GRIK4: variants seen among roughly 807,000 people sequenced by gnomAD.
GRIK4 encodes the protein glutamate ionotropic receptor kainate type subunit 4, also known as glutamate receptor ionotropic, kainate 4.
GRIK4 carries 40 observed loss-of-function variants against 104.9 expected under a neutral mutation model. The ratio of observed to expected loss-of-function variants is 0.38; its 90% CI spans 0.30 to 0.50. GRIK4 has a LOEUF of 0.50. GRIK4 is among the 20% of genes least tolerant of loss of function. GRIK4 has a pLI of 0.93. For missense variants in GRIK4, 1,047 were observed against 1,308.1 expected, an observed-to-expected ratio of 0.80 and a Z score of 3.08; for synonymous variants, 485 against 524.9, an observed-to-expected ratio of 0.92 and a Z score of 1.04.
intron 1 of GRIK4, among the ~76,000 whole-genome samples, chr11:120,639,154 A>G (rs942978694): frequency 6.6e-6 from 1 of 152,126 alleles, no homozygotes; most frequent in African/African-American, 2.4e-5. Context: ...AGATCACGCC[A>G]TTGCACTCCA....
intron 11 of GRIK4, among the ~76,000 whole-genome samples, chr11:120,877,763 A>G (rs1342733634): frequency 6.6e-6 from 1 of 152,192 alleles, no homozygotes; most frequent in Non-Finnish European, 1.5e-5. Context: ...GGAGATGATT[A>G]CAGCGGAGGA....
chr11:120,855,589 G>T (rs1954084312), intron 8 of GRIK4, among the ~76,000 whole-genome samples: 2 of 147,450 alleles, frequency 1.4e-5, no homozygotes, highest in Admixed American at 1.4e-4. Flanking sequence ...TCGAGACAGA[G>T]TCTCTGTTGC....
intron 4 of GRIK4, among the ~76,000 whole-genome samples, chr11:120,806,560 G>T (rs1050016861): frequency 6.6e-6 from 1 of 152,200 alleles, no homozygotes; most frequent in Non-Finnish European, 1.5e-5. Flanking sequence ...GCTTCAGGGG[G>T]ATGAAAGAGA....
chr11:120,723,258 G>A (rs1444642287), intron 3 of GRIK4, among the ~76,000 whole-genome samples: 3 of 152,274 alleles, frequency 2.0e-5, no homozygotes, highest in South Asian at 2.1e-4. Context: ...TAATATAAGT[G>A]TGTGTTCTTC....
chr11:120,857,540 A>G (rs77585593), intron 8 of GRIK4, among the ~76,000 whole-genome samples: 2 of 151,590 alleles, frequency 1.3e-5, no homozygotes, highest in Non-Finnish European at 2.9e-5. Flanking sequence ...ACTTTTAAAA[A>G]TGTTTTTCAT....
rs1002751418 is a variant in GRIK4 at position 120,873,933 on chromosome 11, G to A, written c.907-133G>A. 7.0e-5 allele frequency: 55 copies of A among 780,278 alleles called. No homozygotes were observed. In the African/African-American group the frequency reaches 8.8e-4, roughly 13 times the overall value. 48.3% of individuals were successfully genotyped at this position (780,278 alleles called of 1,614,324 possible). ...AGACAGGACGTGGGCCAAGGGTGAT[G>A]AAGATGCACTCTTATTTCCCTTTCT... is the stretch of plus-strand genomic sequence containing the variant. On this transcript the variant is annotated intron_variant, in intron 9 of 20. Transcript: ENST00000527524.
chr11:120,706,361 G>T (rs1950628793), intron 3 of GRIK4, among the ~76,000 whole-genome samples: 1 of 152,226 alleles, frequency 6.6e-6, no homozygotes, highest in Admixed American at 6.5e-5. Context: ...CAGCCTGAGT[G>T]CTGTGTGGCC....
rs969193734 is a variant in GRIK4, at chr11:120,986,349, G to C, written c.*89G>C. ...TGCTGTCAGCCGCCAGCCGGAACTTGTACAGCGTCGACACCTCTCCAGATT... is the reference window on the plus strand; with the variant it reads ...TGCTGTCAGCCGCCAGCCGGAACTTCTACAGCGTCGACACCTCTCCAGATT... On this transcript the variant is annotated 3_prime_UTR_variant, in exon 21 of 21. Transcript: ENST00000527524. 21 of 1,376,568 alleles carry C rather than the reference G, an allele frequency of 1.5e-5. No individual in the cohort carries two copies. Among genetic ancestry groups the C allele is most frequent in the Admixed American group, 3.2e-5 (1 of 31,650 alleles). 85.3% of individuals were successfully genotyped at this position (1,376,568 alleles called of 1,614,324 possible). A position where few individuals can be genotyped will look rare whatever the true frequency, so the allele number is the denominator to read the frequency against.
chr11:120,936,946 G>A lies in GRIK4; in HGVS notation c.1477-3401G>A, dbSNP rs373962743. Among the ~76,000 whole-genome samples, 60 of 152,012 alleles carry A rather than the reference G, an allele frequency of 3.9e-4. 1 individual carries two copies. The East Asian group carries it at 4.6e-3, about 12-fold the overall frequency. On this transcript the variant is annotated intron_variant, in intron 13 of 20. Transcript: ENST00000527524. ...CAGCCTCCCACACCAGTGATTCCTG[G>A]GTGGAATCACAGTCCCAGCCCCCTA...
At position 120,905,286 on chromosome 11, in the gene GRIK4, G is replaced by T; in HGVS notation, c.1273-4G>T. 3 of 1,606,364 alleles carry T rather than the reference G, an allele frequency of 1.9e-6. No homozygotes were observed. The highest frequency in any genetic ancestry group is 1.3e-5 in the African/African-American group (1 of 74,824). On this transcript the variant is annotated splice_region_variant and splice_polypyrimidine_tract_variant and intron_variant, in intron 12 of 20. Transcript: ENST00000527524. The surrounding 1 kb of genome is among the most constrained non-coding windows in gnomAD (Gnocchi z 5.1). The stretch of plus-strand genomic sequence containing the variant: ...AGAATGACAGCTGCCCAGTTTTGCT[G>T]CAGGAGAACCCATATTTAATGCTGA...
chr11:120,586,624 T>C (rs1591715915), intron 1 of GRIK4, among the ~76,000 whole-genome samples: 1 of 152,118 alleles, frequency 6.6e-6, no homozygotes, highest in East Asian at 1.9e-4. Context: ...GTGTGTGGAC[T>C]CAGCGGTGCT....
chr11:120,798,364 A>G (rs1270377487), intron 3 of GRIK4, among the ~76,000 whole-genome samples: 1 of 151,806 alleles, frequency 6.6e-6, no homozygotes, highest in Non-Finnish European at 1.5e-5. Flanking sequence ...TCACCACCTT[A>G]GCCAGGATGG....
intron 3 of GRIK4, among the ~76,000 whole-genome samples, chr11:120,776,824 C>T (rs1215758167): frequency 1.3e-5 from 2 of 152,164 alleles, no homozygotes; most frequent in Admixed American, 1.3e-4. Flanking sequence ...TGGGTCTCTC[C>T]ATAGGCCTCT....
At chr11:120,546,945 C>T (rs1423260388) in intron 1 of GRIK4, among the ~76,000 whole-genome samples, 1 of 152,218 alleles carries the variant, frequency 6.6e-6, no homozygotes, top group Non-Finnish European at 1.5e-5. Context: ...CTGAGCGCAG[C>T]TTAAGAACAG....
At position 120,956,295 on chromosome 11, in the gene GRIK4, G is replaced by A. The variant is rs904909225; in HGVS notation, c.1701-485G>A. Among the ~76,000 whole-genome samples, 24 of 151,522 alleles carry A rather than the reference G, an allele frequency of 1.6e-4. No individual in the cohort carries two copies. The highest frequency in any genetic ancestry group is 4.6e-4 in the African/African-American group (19 of 41,196). On this transcript the variant is annotated intron_variant, in intron 15 of 20. Transcript: ENST00000527524. This position sits in a 1 kb window ranked among gnomAD's most constrained non-coding sequence, Gnocchi z 4.6. Reference sequence around the variant, plus strand: ...TGGCTCACTGCAGCCTTTACCTCCCGGACTCAAGTGATTCTCCCACCTCAT... The same window carrying A: ...TGGCTCACTGCAGCCTTTACCTCCCAGACTCAAGTGATTCTCCCACCTCAT...
chr11:120,584,588 C>T (rs1408261394), intron 1 of GRIK4, among the ~76,000 whole-genome samples: 2 of 152,332 alleles, frequency 1.3e-5, no homozygotes, highest in Non-Finnish European at 2.9e-5. Context: ...ATTGTGAAGA[C>T]AGCACCAAAC....
chr11:120,876,059 G>C (rs1425881080), intron 11 of GRIK4, among the ~76,000 whole-genome samples: 1 of 151,822 alleles, frequency 6.6e-6, no homozygotes, highest in South Asian at 2.1e-4. Flanking sequence ...GAACAAGGGA[G>C]CACACCACTG....
In GRIK4 at chr11:120,986,016, C is replaced by CCGAGGAG; in HGVS notation, c.2630_2636dup (p.Arg880GlyfsTer268). On this transcript the variant is annotated frameshift_variant, in exon 21 of 21. Coordinates refer to ENST00000527524, the MANE Select transcript of GRIK4 (RefSeq NM_014619.5). LOFTEE classifies it high-confidence loss of function. ...GTCCCGCCGCCCCGGCCCCCCATCC[C>CCGAGGAG]CGAGGAGCGCCGACCGCGGGGCACG... is the stretch of plus-strand genomic sequence containing the variant. 6.5e-7 allele frequency: 1 copy of CCGAGGAG among 1,526,792 alleles called. No homozygotes were observed. The highest frequency in any genetic ancestry group is 8.8e-7 in the Non-Finnish European group (1 of 1,138,182). The allele number at this position is 1,526,792 out of a possible 1,614,324, so 94.6% of individuals were successfully genotyped here.
At chr11:120,644,400 A>G (rs907235446) in intron 1 of GRIK4, among the ~76,000 whole-genome samples, 1 of 152,122 alleles carries the variant, frequency 6.6e-6, no homozygotes, top group Non-Finnish European at 1.5e-5. Flanking sequence ...ATTTGCATGC[A>G]TTTCTCATTT....
Sources: gnomAD v4.1 joint callset for allele counts (sites outside exome capture counted in the v4.1 genomes callset) on GRCh38, gnomAD v4.1.1 for gene constraint, Gnocchi (gnomAD v3.1) non-coding constraint, MANE v1.5 for transcripts, NCBI Gene and HGNC (gene_info 2026-07-23, HGNC 2026-07-21) for gene names.